RYR3: variants seen among roughly 807,000 people sequenced by gnomAD.
RYR3 encodes the protein ryanodine receptor 3, also known as brain ryanodine receptor-calcium release channel.
A neutral mutation model predicts 584.3 loss-of-function variants in RYR3; 207 were observed. The observed-to-expected ratio is 0.35, with a 90% CI of 0.32 to 0.40. The LOEUF is 0.40. Among genes scored for constraint, RYR3 ranks in the 10% least tolerant of loss-of-function variants. The pLI is 1.00. For synonymous variants in RYR3, 2,416 were observed against 2,248.5 expected (o/e 1.07, Z -2.11); for missense variants, 5,616 against 6,089.2 (o/e 0.92, Z 2.59).
intron 102 of RYR3, among the ~76,000 whole-genome samples, chr15:33,862,225 C>T (rs778890547): frequency 1.3e-5 from 2 of 152,162 alleles, no homozygotes; most frequent in Non-Finnish European, 2.9e-5. Context: ...CCTCATCTTT[C>T]GAGATAGATA....
At chr15:33,505,652 C>T (rs543800964) in intron 3 of RYR3, among the ~76,000 whole-genome samples, 9 of 152,190 alleles carry the variant, frequency 5.9e-5, no homozygotes, top group Non-Finnish European at 5.9e-5. Flanking sequence ...CCACCATGCC[C>T]GGCTAATTTT....
intron 16 of RYR3, among the ~76,000 whole-genome samples, chr15:33,587,050 G>A (rs1248178018): frequency 1.3e-5 from 2 of 152,134 alleles, no homozygotes; most frequent in South Asian, 2.1e-4. Flanking sequence ...AGACAGCTCA[G>A]TGTGTCCGGG....
chr15:33,848,229 C>T, intron 93 of RYR3, 62 bp from the exon 94 acceptor site: 2 of 1,599,132 alleles, frequency 1.3e-6, no homozygotes, highest in African/African-American at 1.3e-5. Flanking sequence ...TGACAAATAC[C>T]TGGGAGCAGG....
chr15:33,811,621 T>TTACTAAGAGGA (rs1567221907), intron 72 of RYR3, among the ~76,000 whole-genome samples: 8 of 151,422 alleles, frequency 5.3e-5, no homozygotes, highest in Admixed American at 5.3e-4. Flanking sequence ...ACAAAGAGGA[T>TTACTAAGAGGA]TACAAAGAGG....
chr15:33,315,913 G>C (rs1595688887), intron 1 of RYR3, among the ~76,000 whole-genome samples: 2 of 152,306 alleles, frequency 1.3e-5, no homozygotes. Flanking sequence ...GCGGCCCACT[G>C]TATAAGGACT....
chr15:33,854,657 C>A, intron 97 of RYR3, 109 bp from the exon 98 acceptor site: 1 of 1,419,362 alleles, frequency 7.0e-7, no homozygotes, highest in South Asian at 1.4e-5. Context: ...CACCTCAGCA[C>A]CTAAACCCCC....
Position 33,838,708 on chromosome 15 carries a change from T to A in RYR3, c.12728T>A (p.Ile4243Asn). The A allele has an allele frequency of 6.2e-7, 1 of 1,613,882 alleles. No homozygotes were observed. The highest frequency in any genetic ancestry group is 8.5e-7 in the Non-Finnish European group (1 of 1,179,862). Residue 4243 changes from isoleucine to asparagine, a missense_variant, in exon 89 of 104, where the codon ATC (isoleucine) becomes AAC (asparagine). Around this residue, in one of 9 missense-constraint regions of RYR3, gnomAD observed 918 missense variants for 887.4 expected, o/e 1.03. Transcript: ENST00000634891. ...ATGCCTGACCCAACCCAATTTGGTA[T>A]CCATGATGACACTATGGAGGCTGAG... ...GDMPDPTQFG[I>N]HDDTMEAERA...
intron 52 of RYR3, among the ~76,000 whole-genome samples, chr15:33,743,543 C>T (rs139259387): frequency 4.7e-4 from 72 of 152,288 alleles, no homozygotes; most frequent in African/African-American, 1.7e-3. Flanking sequence ...CCAGGTGGCC[C>T]TTGCTCTAGA....
chr15:33,449,638 CTGAATATAAAAATA>C (rs2046947333), intron 1 of RYR3, among the ~76,000 whole-genome samples: 1 of 152,132 alleles, frequency 6.6e-6, no homozygotes, highest in Non-Finnish European at 1.5e-5. Context: ...TTGTCCCATG[CTGAATATAAAAATA>C]ACACAAATGC....
rs1472501686 is a variant in RYR3, at chr15:33,865,947, A to G, written c.*721A>G. 1 of 152,766 alleles carries G rather than the reference A, an allele frequency of 6.5e-6. No individual in the cohort carries two copies. Among genetic ancestry groups the G allele is most frequent in the East Asian group, 1.9e-4 (1 of 5,192 alleles). The allele number at this position is 152,766 out of a possible 1,614,324, so 9.5% of individuals were successfully genotyped here. A position where few individuals can be genotyped will look rare whatever the true frequency, so the allele number is the denominator to read the frequency against. Reference sequence around the variant, plus strand: ...CAGTCAACTGCTGTTATTAGAAGAAAAGTACTGTACTGAAAATTCAGAAAA... The same window carrying G: ...CAGTCAACTGCTGTTATTAGAAGAAGAGTACTGTACTGAAAATTCAGAAAA... On this transcript the variant is annotated 3_prime_UTR_variant, in exon 104 of 104. Coordinates refer to ENST00000634891, the MANE Select transcript of RYR3 (RefSeq NM_001036.6).
At chr15:33,508,431 C>T (rs2142838501) in intron 3 of RYR3, among the ~76,000 whole-genome samples, 1 of 152,018 alleles carries the variant, frequency 6.6e-6, no homozygotes, top group East Asian at 1.9e-4. Flanking sequence ...GGGCGGATCA[C>T]AAGGTCAGGA....
At chr15:33,394,457 G>A (rs1431598055) in intron 1 of RYR3, among the ~76,000 whole-genome samples, 1 of 152,226 alleles carries the variant, frequency 6.6e-6, no homozygotes. Flanking sequence ...ATGTGGTTTA[G>A]ATTGGCCCAG....
rs1007822332 is a variant in RYR3 at position 33,417,609 on chromosome 15, T to C, written c.52-55810T>C. ...CGGAATCTTTAGGATTTTCTAGGTATAGAATCATGTCCTCAGTGAAGAGAG... is the reference window on the plus strand; with the variant it reads ...CGGAATCTTTAGGATTTTCTAGGTACAGAATCATGTCCTCAGTGAAGAGAG... On this transcript the variant is annotated intron_variant, in intron 1 of 103. Coordinates refer to ENST00000634891, the MANE Select transcript of RYR3 (RefSeq NM_001036.6). Among the ~76,000 whole-genome samples the C allele has an allele frequency of 2.0e-4, 30 of 152,216 alleles. 1 individual carries two copies. The highest frequency in any genetic ancestry group is 9.2e-4 in the Admixed American group (14 of 15,282).
intron 1 of RYR3, among the ~76,000 whole-genome samples, chr15:33,471,782 T>G (rs749329643): frequency 2.0e-5 from 3 of 152,156 alleles, no homozygotes; most frequent in Admixed American, 2.0e-4. Flanking sequence ...AAGGTAAGTT[T>G]TGAGTACTAC....
intron 2 of RYR3, among the ~76,000 whole-genome samples, chr15:33,500,559 T>TA (rs1251570462): frequency 6.6e-6 from 1 of 152,154 alleles, no homozygotes; most frequent in Admixed American, 6.5e-5. Flanking sequence ...TTTGGAAATG[T>TA]AGTGCTTCTC....
rs1188310642 is a variant in RYR3, at chr15:33,820,752, C to T, written c.10759-4C>T. On this transcript the variant is annotated splice_polypyrimidine_tract_variant and splice_region_variant and intron_variant, in intron 77 of 103. Transcript: ENST00000634891. ...TTCTCCCTTCCCTGCTCCATGAAAT[C>T]CAGAGTTGTCAAAGTGGTGAGGATG... is the stretch of plus-strand genomic sequence containing the variant. The T allele has an allele frequency of 4.2e-5, 68 of 1,604,586 alleles. No individual in the cohort carries two copies. The highest frequency in any genetic ancestry group is 5.6e-5 in the Non-Finnish European group (66 of 1,175,428).
In RYR3 at chr15:33,730,781, A is replaced by G. The variant is rs532367338; in HGVS notation, c.7204-693A>G. On this transcript the variant is annotated intron_variant, in intron 47 of 103. Coordinates refer to ENST00000634891, the MANE Select transcript of RYR3 (RefSeq NM_001036.6). The stretch of plus-strand genomic sequence containing the variant: ...ATTCCATTCATCCGTCTAAATGTAC[A>G]TCAAAGAGCATTGTAAGCAAGAACT... Among the ~76,000 whole-genome samples, 5 of 152,352 alleles carry G rather than the reference A, an allele frequency of 3.3e-5. No homozygotes were observed. The East Asian group carries it at 9.6e-4, about 29-fold the overall frequency.
chr15:33,520,479 T>A (rs1412072397), intron 3 of RYR3, among the ~76,000 whole-genome samples: 1 of 152,092 alleles, frequency 6.6e-6, no homozygotes, highest in African/African-American at 2.4e-5. Context: ...GTGGTTCAAA[T>A]AGAAACCAGA....
intron 1 of RYR3, among the ~76,000 whole-genome samples, chr15:33,442,138 C>T (rs1435009984): frequency 6.6e-6 from 1 of 152,164 alleles, no homozygotes; most frequent in African/African-American, 2.4e-5. Flanking sequence ...AAACAATTTT[C>T]AAATTCTCAA....
Sources: gnomAD v4.1 joint callset for allele counts (sites outside exome capture counted in the v4.1 genomes callset) on GRCh38, gnomAD v4.1.1 for gene constraint, gnomAD v4.1.1 regional missense constraint, MANE v1.5 for transcripts, NCBI Gene and HGNC (gene_info 2026-07-23, HGNC 2026-07-21) for gene names.